Variants in AVEN observed in about 807,000 individuals in gnomAD.
AVEN encodes cell death regulator Aven.
Under a neutral mutation model 38.1 loss-of-function variants are expected in AVEN, and 41 were observed. The observed-to-expected ratio is 1.08, with a 90% CI of 0.84 to 1.40. AVEN has a LOEUF of 1.40. AVEN is among the 40% of genes most tolerant of loss of function. The pLI is 0.00. For missense variants in AVEN, 605 were observed against 438.8 expected (o/e 1.38, Z -3.38); for synonymous variants, 206 against 171.8 (o/e 1.20, Z -1.56).
At chr15:33,959,997 C>T (rs1292592039) in intron 2 of AVEN, among the ~76,000 whole-genome samples, 6 of 152,164 alleles carry the variant, frequency 3.9e-5, no homozygotes, top group East Asian at 1.9e-4. Context: ...CTACTGGATT[C>T]GTGTCGGATG....
chr15:34,062,675 G>C (rs1486424898), intron 5 of AVEN: 1 of 1,561,486 alleles, frequency 6.4e-7, no homozygotes, highest in African/African-American at 1.4e-5. Flanking sequence ...ATAGAAAACA[G>C]CCTAGAACCT....
At chr15:33,900,181 T>C (rs2153042935) in intron 2 of AVEN, among the ~76,000 whole-genome samples, 1 of 152,294 alleles carries the variant, frequency 6.6e-6, no homozygotes, top group African/African-American at 2.4e-5. Context: ...AAATGAGTCC[T>C]TGAAACCCTT....
chr15:33,896,594 G>A (rs569750241), intron 2 of AVEN, among the ~76,000 whole-genome samples: 1 of 152,106 alleles, frequency 6.6e-6, no homozygotes, highest in South Asian at 2.1e-4. Context: ...CACCCACCAC[G>A]GCCAATTTCA....
chr15:33,936,127 T>C (rs1242800672), intron 2 of AVEN, among the ~76,000 whole-genome samples: 1 of 151,312 alleles, frequency 6.6e-6, no homozygotes, highest in Non-Finnish European at 1.5e-5. Flanking sequence ...TTAAAGGCAT[T>C]CCCACTAAAG....
At chr15:33,890,607 A>C (rs576033341) in intron 2 of AVEN, among the ~76,000 whole-genome samples, 1 of 152,282 alleles carries the variant, frequency 6.6e-6, no homozygotes, top group South Asian at 2.1e-4. Context: ...ATTTCTAGTA[A>C]ATCAAATAAC....
intron 2 of AVEN, among the ~76,000 whole-genome samples, chr15:33,935,782 T>C (rs538317632): frequency 2.4e-4 from 36 of 152,252 alleles, no homozygotes; most frequent in African/African-American, 8.4e-4. Flanking sequence ...TTAAATAGGG[T>C]GATTATGACT....
At chr15:33,976,007 A>C (rs1220669334) in intron 2 of AVEN, among the ~76,000 whole-genome samples, 1 of 152,206 alleles carries the variant, frequency 6.6e-6, no homozygotes, top group Non-Finnish European at 1.5e-5. Context: ...ACATTATACC[A>C]AACACTGGAG....
rs887325660 is a variant in AVEN at position 33,949,199 on chromosome 15, AT to A, written c.445+53832del. Among the ~76,000 whole-genome samples, 29 of 149,934 alleles carry A rather than the reference AT, an allele frequency of 1.9e-4. 1 individual carries two copies. Among genetic ancestry groups the A allele is most frequent in the African/African-American group, 7.1e-4 (29 of 40,748 alleles). ...CCACCACGCCCGGCTAATTTTTTGC[AT>A]TTTTTTTAGTAGAGACAGGATTTCA... is the stretch of plus-strand genomic sequence containing the variant. On this transcript the variant is annotated intron_variant, in intron 2 of 5. Coordinates refer to ENST00000306730, the MANE Select transcript of AVEN (RefSeq NM_020371.3).
At chr15:34,006,507 T>A (rs999198682) in intron 1 of AVEN, among the ~76,000 whole-genome samples, 1 of 152,102 alleles carries the variant, frequency 6.6e-6, no homozygotes, top group African/African-American at 2.4e-5. Flanking sequence ...ATGGCAAAAA[T>A]GTAAATCTGG....
intron 4 of AVEN, among the ~76,000 whole-genome samples, chr15:33,869,849 CCA>C (rs1489440186): frequency 2.0e-5 from 3 of 149,364 alleles, no homozygotes; most frequent in East Asian, 3.9e-4. Context: ...TTTGATCGTG[CCA>C]GAATGTTGAA....
intron 2 of AVEN, chr15:33,972,105 C>T (rs1451507622): frequency 6.6e-6 from 1 of 152,040 alleles, no homozygotes; most frequent in Non-Finnish European, 1.5e-5. Flanking sequence ...TCAGCATCAA[C>T]TATTAAAGAT....
intron 2 of AVEN, among the ~76,000 whole-genome samples, chr15:33,951,111 G>A (rs141156485): frequency 2.0e-5 from 3 of 152,138 alleles, no homozygotes; most frequent in Non-Finnish European, 2.9e-5. Context: ...AACCCACAAG[G>A]GTGAACTTGT....
chr15:34,068,592 C>A (rs990080448), intron 2 of AVEN, among the ~76,000 whole-genome samples: 1 of 152,098 alleles, frequency 6.6e-6, no homozygotes, highest in African/African-American at 2.4e-5. Flanking sequence ...GACATTGTTA[C>A]AATGTTATTA....
At chr15:33,938,879 T>A (rs1210820209) in intron 2 of AVEN, among the ~76,000 whole-genome samples, 4 of 152,176 alleles carry the variant, frequency 2.6e-5, no homozygotes, top group Non-Finnish European at 5.9e-5. Flanking sequence ...TTCACTCTTG[T>A]TGCCGAGGCT....
intron 2 of AVEN, among the ~76,000 whole-genome samples, chr15:33,970,366 C>T (rs1344024415): frequency 6.6e-6 from 1 of 151,862 alleles, no homozygotes. Flanking sequence ...CTGTCATTTT[C>T]CAGTACCAAA....
chr15:34,073,532 T>C (rs1420761377), intron 1 of AVEN, among the ~76,000 whole-genome samples: 1 of 147,756 alleles, frequency 6.8e-6, no homozygotes, highest in African/African-American at 2.5e-5. Flanking sequence ...TTTTTTTTTT[T>C]TTTTTGAGAC....
chr15:33,935,631 T>C (rs1894031244), intron 2 of AVEN, among the ~76,000 whole-genome samples: 1 of 152,184 alleles, frequency 6.6e-6, no homozygotes, highest in Admixed American at 6.5e-5. Flanking sequence ...ACTTTCTTTT[T>C]GTATGCTGAC....
chr15:34,005,035 G>A (rs1897285342), intron 1 of AVEN, among the ~76,000 whole-genome samples: 1 of 151,906 alleles, frequency 6.6e-6, no homozygotes, highest in South Asian at 2.1e-4. Context: ...AAATTAGGAG[G>A]AAAAGACAAG....
At chr15:34,008,282 A>C (rs957416250) in intron 1 of AVEN, among the ~76,000 whole-genome samples, 4 of 151,856 alleles carry the variant, frequency 2.6e-5, no homozygotes, top group South Asian at 2.1e-4. Flanking sequence ...TTAGCCAGGT[A>C]TGGTGGTGTA....
Sources: allele counts gnomAD v4.1 joint callset (sites outside exome capture counted in the v4.1 genomes callset), GRCh38; gene constraint gnomAD v4.1.1; transcripts MANE v1.5; gene names NCBI Gene and HGNC (gene_info 2026-07-23, HGNC 2026-07-21).